Variants in NPAS3 observed in about 807,000 individuals in gnomAD.
NPAS3 encodes neuronal PAS domain-containing protein 3.
A neutral mutation model predicts 73.1 loss-of-function variants in NPAS3; 14 were observed. That is an observed-to-expected ratio of 0.19 (90% confidence interval 0.13 to 0.30). The LOEUF is 0.30. Ranked by LOEUF, NPAS3 falls within the 10% of genes least tolerant of loss-of-function variation. NPAS3 has a pLI of 1.00. For synonymous variants in NPAS3, 620 were observed against 541.5 expected, an observed-to-expected ratio of 1.14 and a Z score of -2.01; for missense variants, 1,096 against 1,250.0, an observed-to-expected ratio of 0.88 and a Z score of 1.86.
intron 4 of NPAS3, among the ~76,000 whole-genome samples, chr14:33,544,047 T>C (rs531280669): frequency 1.6e-5 from 2 of 128,362 alleles, no homozygotes; most frequent in African/African-American, 6.0e-5. Flanking sequence ...TTAGTTCATG[T>C]AGAGTCCTTC....
At chr14:32,987,067 A>G (rs1307642435) in intron 1 of NPAS3, among the ~76,000 whole-genome samples, 1 of 152,176 alleles carries the variant, frequency 6.6e-6, no homozygotes, top group Non-Finnish European at 1.5e-5. Context: ...AACGTCTTTC[A>G]TGAAACTATA....
intron 4 of NPAS3, among the ~76,000 whole-genome samples, chr14:33,487,902 AC>A (rs2051691037): frequency 6.6e-6 from 1 of 152,174 alleles, no homozygotes; most frequent in African/African-American, 2.4e-5. Flanking sequence ...TATTTCTGAT[AC>A]ACTTATATCT....
chr14:33,680,216 C>T (rs1595425027), intron 6 of NPAS3, among the ~76,000 whole-genome samples: 1 of 152,094 alleles, frequency 6.6e-6, no homozygotes, highest in African/African-American at 2.4e-5. Flanking sequence ...CAGTGCCATG[C>T]CTTTTAAATG....
At chr14:33,102,660 A>G (rs1454416011) in intron 2 of NPAS3, among the ~76,000 whole-genome samples, 1 of 152,174 alleles carries the variant, frequency 6.6e-6, no homozygotes, top group Non-Finnish European at 1.5e-5. Flanking sequence ...GGATGCAGGC[A>G]TATAATGAAG....
chr14:33,188,004 C>T (rs1338482004), intron 2 of NPAS3, among the ~76,000 whole-genome samples: 1 of 152,100 alleles, frequency 6.6e-6, no homozygotes, highest in Non-Finnish European at 1.5e-5. Flanking sequence ...AAAGCTGAAG[C>T]ACAGAGAGGT....
intron 2 of NPAS3, among the ~76,000 whole-genome samples, chr14:33,197,998 G>A (rs1005513366): frequency 3.9e-5 from 6 of 152,196 alleles, no homozygotes; most frequent in Non-Finnish European, 7.3e-5. Context: ...ACTGGCTTCA[G>A]GAGTGAAGCT....
At chr14:33,299,557 C>A (rs576459077) in intron 3 of NPAS3, among the ~76,000 whole-genome samples, 2 of 151,308 alleles carry the variant, frequency 1.3e-5, no homozygotes, top group African/African-American at 4.9e-5. Context: ...GAATTTGAAC[C>A]CTGCATAAAA....
chr14:33,497,621 G>A (rs924259453), intron 4 of NPAS3, among the ~76,000 whole-genome samples: 5 of 152,116 alleles, frequency 3.3e-5, no homozygotes, highest in Non-Finnish European at 5.9e-5. Flanking sequence ...ATAACAAATG[G>A]TGTTGAGAAA....
intron 4 of NPAS3, among the ~76,000 whole-genome samples, chr14:33,377,583 T>C (rs2046364305): frequency 6.6e-6 from 1 of 152,242 alleles, no homozygotes; most frequent in South Asian, 2.1e-4. Context: ...TAATGATGTC[T>C]CTATATGGCA....
intron 4 of NPAS3, among the ~76,000 whole-genome samples, chr14:33,453,644 C>T (rs1026883617): frequency 2.0e-5 from 3 of 152,206 alleles, no homozygotes; most frequent in African/African-American, 7.2e-5. Flanking sequence ...ATTCTGGTAG[C>T]TTGAAGTCCT....
intron 6 of NPAS3, among the ~76,000 whole-genome samples, chr14:33,702,761 C>A (rs945072294): frequency 6.6e-6 from 1 of 152,132 alleles, no homozygotes; most frequent in African/African-American, 2.4e-5. Flanking sequence ...CCACATTAGA[C>A]AAGGAGTGAG....
At chr14:33,107,107 T>C (rs1958018) in intron 2 of NPAS3, among the ~76,000 whole-genome samples, 31,908 of 150,118 alleles carry the variant, frequency 0.21, 4,017 homozygotes, top group Admixed American at 0.39. Context: ...AGCTGTGCAT[T>C]TAACCAGACC....
At chr14:33,634,556 G>A (rs1020634796) in intron 5 of NPAS3, among the ~76,000 whole-genome samples, 1 of 152,226 alleles carries the variant, frequency 6.6e-6, no homozygotes, top group Non-Finnish European at 1.5e-5. Context: ...GATGTGGACA[G>A]TAACAGAGAG....
intron 3 of NPAS3, among the ~76,000 whole-genome samples, chr14:33,255,736 G>C (rs2048755818): frequency 6.6e-6 from 1 of 152,088 alleles, no homozygotes; most frequent in Non-Finnish European, 1.5e-5. Flanking sequence ...TCACAGTTAA[G>C]GTCTTTGTCT....
intron 4 of NPAS3, among the ~76,000 whole-genome samples, chr14:33,463,551 G>C (rs947453699): frequency 6.6e-6 from 1 of 152,104 alleles, no homozygotes; most frequent in African/African-American, 2.4e-5. Context: ...GATTTCAAAG[G>C]TTTATAAATA....
At chr14:33,403,077 A>G (rs558803529) in intron 4 of NPAS3, among the ~76,000 whole-genome samples, 6 of 152,146 alleles carry the variant, frequency 3.9e-5, no homozygotes, top group Non-Finnish European at 5.9e-5. Flanking sequence ...AATGAGATCT[A>G]TGAACAATAG....
chr14:33,771,836 A>G (rs141880269), intron 7 of NPAS3, among the ~76,000 whole-genome samples: 99 of 152,252 alleles, frequency 6.5e-4, no homozygotes, highest in Admixed American at 1.2e-3. Context: ...GGCATGTGGT[A>G]TCTATTTCTA....
intron 5 of NPAS3, among the ~76,000 whole-genome samples, chr14:33,646,269 T>A (rs1244649261): frequency 6.6e-6 from 1 of 152,202 alleles, no homozygotes; most frequent in African/African-American, 2.4e-5. Context: ...ATATGGAACA[T>A]GATATCATAT....
chr14:33,189,640 G>GCC (rs2046098150), intron 2 of NPAS3, among the ~76,000 whole-genome samples: 1 of 152,216 alleles, frequency 6.6e-6, no homozygotes, highest in Non-Finnish European at 1.5e-5. Flanking sequence ...AGTCATGTTA[G>GCC]TGACAAAAAG....
Sources: allele counts gnomAD v4.1 joint callset (sites outside exome capture counted in the v4.1 genomes callset), GRCh38; gene constraint gnomAD v4.1.1; transcripts MANE v1.5; gene names NCBI Gene and HGNC (gene_info 2026-07-23, HGNC 2026-07-21).